TGS1: variants seen among roughly 807,000 people sequenced by gnomAD.
The protein encoded by TGS1 is trimethylguanosine synthase 1.
In TGS1, 69 loss-of-function variants were observed where a neutral mutation model predicts 92.2. The observed-to-expected ratio is 0.75, with a 90% confidence interval of 0.62 to 0.91. The LOEUF (loss-of-function observed/expected upper bound fraction) is 0.91. TGS1 is among the 40% of genes least tolerant of loss of function. The pLI, the probability that TGS1 is intolerant of heterozygous loss-of-function variation, is 0.00. For synonymous variants in TGS1, 345 were observed against 338.1 expected, an observed-to-expected ratio of 1.02 and a Z score of -0.22; for missense variants, 1,062 against 1,001.2, an observed-to-expected ratio of 1.06 and a Z score of -0.82.
intron 8 of TGS1, among the ~76,000 whole-genome samples, chr8:55,801,301 T>C (rs1449934682): frequency 3.3e-5 from 5 of 152,226 alleles, no homozygotes; most frequent in African/African-American, 1.2e-4. Context: ...GACAGAGTCT[T>C]GCTCTGTTGC....
chr8:55,804,758 G>A, intron 9 of TGS1, 135 bp from the exon 10 acceptor site: 1 of 709,196 alleles, frequency 1.4e-6, no homozygotes, highest in Non-Finnish European at 2.2e-6. Context: ...CTTTAAAACT[G>A]GGTGATTTAT....
chr8:55,779,624 G>A (rs887132922), intron 1 of TGS1, among the ~76,000 whole-genome samples: 4 of 152,156 alleles, frequency 2.6e-5, no homozygotes, highest in South Asian at 2.1e-4. Context: ...CAGTATGATC[G>A]GGTACTGATG....
chr8:55,817,519 T>A (rs1291564787), intron 12 of TGS1, among the ~76,000 whole-genome samples: 1 of 152,216 alleles, frequency 6.6e-6, no homozygotes, highest in African/African-American at 2.4e-5. Context: ...ACAATAAAAA[T>A]TTATCACAGA....
At chr8:55,819,672 G>A (rs902703593) in intron 12 of TGS1, among the ~76,000 whole-genome samples, 1 of 151,994 alleles carries the variant, frequency 6.6e-6, no homozygotes, top group Admixed American at 6.6e-5. Context: ...ATTTACGGAA[G>A]CATAGAAATC....
At chr8:55,815,224 A>G (rs1474689118) in intron 12 of TGS1, among the ~76,000 whole-genome samples, 3 of 152,234 alleles carry the variant, frequency 2.0e-5, no homozygotes, top group Admixed American at 6.5e-5. Context: ...AAAACTTTCC[A>G]GAATTGGAGT....
chr8:55,791,200 C>T (rs1563456108), intron 5 of TGS1, among the ~76,000 whole-genome samples: 1 of 152,200 alleles, frequency 6.6e-6, no homozygotes, highest in Non-Finnish European at 1.5e-5. Flanking sequence ...CTGTTTACCA[C>T]TGTGAAAGTT....
chr8:55,821,355 A>G (rs539845453), intron 12 of TGS1, among the ~76,000 whole-genome samples: 19 of 152,300 alleles, frequency 1.2e-4, no homozygotes, highest in African/African-American at 3.6e-4. Context: ...ACAGATACCT[A>G]TAAGCTCTCA....
intron 6 of TGS1, among the ~76,000 whole-genome samples, 180 bp from the exon 7 acceptor site, chr8:55,795,798 A>G (rs1812025383): frequency 6.6e-6 from 1 of 152,228 alleles, no homozygotes; most frequent in South Asian, 2.1e-4. Context: ...TAGAATTAAC[A>G]TGAAAGTTAG....
At chr8:55,798,808 ATAATTT>A (rs1445308629) in intron 7 of TGS1, 100 bp from the exon 8 acceptor site, 1 of 910,466 alleles carries the variant, frequency 1.1e-6, no homozygotes, top group Non-Finnish European at 1.6e-6. Context: ...TTCAGAGCCA[ATAATTT>A]TGACACAGCT....
At chr8:55,817,694 G>A (rs553112975) in intron 12 of TGS1, among the ~76,000 whole-genome samples, 1 of 152,262 alleles carries the variant, frequency 6.6e-6, no homozygotes, top group Admixed American at 6.5e-5. Context: ...CTCTCGTAGA[G>A]GTAGAGAACA....
chr8:55,815,983 T>G (rs1432173121), intron 12 of TGS1, among the ~76,000 whole-genome samples: 1 of 151,986 alleles, frequency 6.6e-6, no homozygotes, highest in Non-Finnish European at 1.5e-5. Context: ...GGTTTCTCTC[T>G]GTCACGCAGA....
Position 55,786,777 on chromosome 8 carries a change from A to G in TGS1, c.879A>G (p.Val293=), listed in dbSNP as rs761627593. The G allele has an allele frequency of 6.8e-6, 11 of 1,614,176 alleles. No homozygotes were observed. The highest frequency in any genetic ancestry group is 1.1e-5 in the South Asian group (1 of 91,084). The change falls in exon 4 of 13, where the codon GTA becomes GTG. Residue 293 remains valine (V), a synonymous_variant. Coordinates refer to ENST00000260129, the MANE Select transcript of TGS1 (RefSeq NM_024831.8). ...NDEKCMKVDL[V]SFPSSPIMVD... ...AAAAATGCATGAAAGTTGACTTAGTATCTTTTCCATCTTCACCTATTATGG... is the reference window on the plus strand; with the variant it reads ...AAAAATGCATGAAAGTTGACTTAGTGTCTTTTCCATCTTCACCTATTATGG...
chr8:55,782,970 A>G (rs1811608916), intron 2 of TGS1, among the ~76,000 whole-genome samples, 158 bp downstream of exon 2: 1 of 152,230 alleles, frequency 6.6e-6, no homozygotes. Flanking sequence ...CTTTTATAAC[A>G]TGGTTCTGGA....
Position 55,773,683 on chromosome 8 carries a change from GT to G in TGS1, c.66del (p.Cys22Ter). Reference protein sequence around the residue: ...MFLFIEEREDCKILCLCSRAF... With the variant: ...MFLFIEEREDXKILCLCSRAF... Reference sequence around the variant, plus strand: ...CTCTTCATTGAGGAGCGGGAGGATTGTAAGATACTGTGCCTTTGCTCCAGGG... The same window carrying G: ...CTCTTCATTGAGGAGCGGGAGGATTGAAGATACTGTGCCTTTGCTCCAGGG... On this transcript the variant is annotated frameshift_variant, in exon 1 of 13. Transcript: ENST00000260129. LOFTEE classifies it high-confidence loss of function. 3.7e-6 allele frequency: 6 copies of G among 1,611,728 alleles called. No individual in the cohort carries two copies. The highest frequency in any genetic ancestry group is 5.1e-6 in the Non-Finnish European group (6 of 1,179,138).
intron 12 of TGS1, among the ~76,000 whole-genome samples, chr8:55,817,643 G>A (rs573969339): frequency 6.6e-6 from 1 of 152,190 alleles, no homozygotes; most frequent in South Asian, 2.1e-4. Context: ...AAATTTTTCT[G>A]AATTAAGTTA....
At chr8:55,778,059 C>T (rs1811450210) in intron 1 of TGS1, among the ~76,000 whole-genome samples, 1 of 151,998 alleles carries the variant, frequency 6.6e-6, no homozygotes, top group Non-Finnish European at 1.5e-5. Flanking sequence ...ATCGCTTGAG[C>T]CCAGAAGTTC....
chr8:55,788,305 C>G (rs1303039187), intron 4 of TGS1, among the ~76,000 whole-genome samples: 1 of 152,168 alleles, frequency 6.6e-6, no homozygotes, highest in Non-Finnish European at 1.5e-5. Context: ...TTGCTTATCT[C>G]AGATTGCTGA....
chr8:55,822,711 G>A lies in TGS1; in HGVS notation c.2440-1870G>A, dbSNP rs535460652. Among the ~76,000 whole-genome samples, 19 of 146,408 alleles carry A rather than the reference G, an allele frequency of 1.3e-4. No individual in the cohort carries two copies. The South Asian group carries it at 3.8e-3, about 29-fold the overall frequency. ...GTATTCCTTACAAAAAAAAATAGTG[G>A]GGGGGGTGCTTTTAATCATTATAAG... On this transcript the variant is annotated intron_variant, in intron 12 of 12. Transcript: ENST00000260129.
At chr8:55,811,779 G>A (rs565964072) in intron 11 of TGS1, among the ~76,000 whole-genome samples, 5 of 152,174 alleles carry the variant, frequency 3.3e-5, no homozygotes, top group African/African-American at 9.6e-5. Flanking sequence ...GGGAGAGAGA[G>A]AAATTAGTGA....
Sources: allele counts gnomAD v4.1 joint callset (sites outside exome capture counted in the v4.1 genomes callset), GRCh38; gene constraint gnomAD v4.1.1; transcripts MANE v1.5; gene names NCBI Gene and HGNC (gene_info 2026-07-23, HGNC 2026-07-21).